Variants in NTM observed in about 807,000 individuals in gnomAD.
NTM encodes IgLON family member 2.
A neutral mutation model predicts 42.1 loss-of-function variants in NTM; 13 were observed. The observed-to-expected ratio is 0.31, with a 90% CI of 0.20 to 0.49. NTM has a LOEUF of 0.49. NTM is among the 20% of genes least tolerant of loss of function. The pLI is 0.99. For synonymous variants in NTM, 187 were observed against 179.2 expected (o/e 1.04, Z -0.35); for missense variants, 373 against 452.8 (o/e 0.82, Z 1.60).
intron 4 of NTM, among the ~76,000 whole-genome samples, chr11:132,286,224 A>G (rs1220363664): frequency 6.6e-6 from 1 of 152,230 alleles, no homozygotes; most frequent in Non-Finnish European, 1.5e-5. Context: ...TCATTTTATC[A>G]GGAACATAAA....
intron 1 of NTM, among the ~76,000 whole-genome samples, chr11:131,590,998 C>T (rs11822932): frequency 0.018 from 2,722 of 152,254 alleles, 86 homozygotes; most frequent in African/African-American, 0.061. Context: ...CTCCGGGTAA[C>T]CTGAGGTGAC....
At chr11:132,068,243 G>A (rs185982057) in intron 2 of NTM, among the ~76,000 whole-genome samples, 32 of 152,110 alleles carry the variant, frequency 2.1e-4, no homozygotes, top group Admixed American at 1.2e-3. Context: ...CTTTTTTTGC[G>A]TAACACTTCT....
At chr11:132,241,604 T>C (rs962419154) in intron 4 of NTM, among the ~76,000 whole-genome samples, 2 of 152,238 alleles carry the variant, frequency 1.3e-5, no homozygotes, top group African/African-American at 4.8e-5. Context: ...TGTCCAGGCA[T>C]GCTCACCTCT....
chr11:132,049,833 A>T (rs913501576), intron 2 of NTM, among the ~76,000 whole-genome samples: 1 of 152,288 alleles, frequency 6.6e-6, no homozygotes, highest in Middle Eastern at 3.4e-3. Context: ...CCGGTCAGAC[A>T]TGTCTCTGAT....
chr11:131,464,401 A>G (rs1197847108), intron 1 of NTM, among the ~76,000 whole-genome samples: 3 of 151,986 alleles, frequency 2.0e-5, no homozygotes, highest in African/African-American at 7.3e-5. Flanking sequence ...CCCGTCATAC[A>G]TTCATGACTG....
At chr11:131,470,219 G>A (rs929759289) in intron 1 of NTM, among the ~76,000 whole-genome samples, 17 of 152,202 alleles carry the variant, frequency 1.1e-4, no homozygotes, top group Admixed American at 1.1e-3. Flanking sequence ...AAGTTAGTGG[G>A]AAAGTAGGAC....
At chr11:131,441,395 C>A (rs976112842) in intron 1 of NTM, among the ~76,000 whole-genome samples, 1 of 152,160 alleles carries the variant, frequency 6.6e-6, no homozygotes. Flanking sequence ...TCTAGCACAA[C>A]AAGCTGTTTA....
At chr11:131,499,540 T>G (rs1382314332) in intron 1 of NTM, among the ~76,000 whole-genome samples, 1 of 152,234 alleles carries the variant, frequency 6.6e-6, no homozygotes, top group African/African-American at 2.4e-5. Context: ...ATGACGAAGG[T>G]GCTTGTAAAA....
chr11:131,491,792 C>T (rs1476536700), intron 1 of NTM, among the ~76,000 whole-genome samples: 3 of 152,166 alleles, frequency 2.0e-5, no homozygotes, highest in African/African-American at 7.2e-5. Flanking sequence ...TCTTCAGTGG[C>T]TTCAGAGACA....
At chr11:132,069,232 T>A (rs1303183410) in intron 2 of NTM, among the ~76,000 whole-genome samples, 104 of 106,316 alleles carry the variant, frequency 9.8e-4, no homozygotes, top group East Asian at 1.4e-3. Context: ...AACACGTCAC[T>A]CAGCCAAGTT....
At chr11:131,854,168 C>T (rs748516562) in intron 1 of NTM, among the ~76,000 whole-genome samples, 3 of 152,104 alleles carry the variant, frequency 2.0e-5, no homozygotes, top group Non-Finnish European at 4.4e-5. Context: ...TAGAGTGTTC[C>T]ATGGGTAAAG....
chr11:131,482,665 TACCTCCAAAAGAGATTTA>T (rs1264110038), intron 1 of NTM, among the ~76,000 whole-genome samples: 3 of 152,196 alleles, frequency 2.0e-5, no homozygotes, highest in South Asian at 2.1e-4. Flanking sequence ...CCTTTCCCTA[TACCTCCAAAAGAGATTTA>T]ACCTCCAAAA....
chr11:131,946,422 C>T (rs962178291), intron 2 of NTM, among the ~76,000 whole-genome samples: 1 of 152,144 alleles, frequency 6.6e-6, no homozygotes, highest in African/African-American at 2.4e-5. Flanking sequence ...TAGGCCATTT[C>T]CTGATCTTTG....
intron 2 of NTM, among the ~76,000 whole-genome samples, chr11:132,009,994 C>G (rs1031359273): frequency 7.2e-5 from 11 of 152,062 alleles, no homozygotes; most frequent in Non-Finnish European, 1.2e-4. Context: ...ACCGAATACA[C>G]GTTATATCAA....
chr11:131,711,764 A>C (rs1449431550), intron 1 of NTM, among the ~76,000 whole-genome samples: 3 of 152,066 alleles, frequency 2.0e-5, no homozygotes, highest in African/African-American at 7.2e-5. Context: ...GGATTAAGAA[A>C]ATGTGGCACA....
chr11:132,160,633 C>T (rs527776908), intron 3 of NTM, among the ~76,000 whole-genome samples: 1 of 152,192 alleles, frequency 6.6e-6, no homozygotes, highest in Non-Finnish European at 1.5e-5. Flanking sequence ...GTCAGTAACT[C>T]CTTTTAACAT....
chr11:131,521,214 C>T lies in NTM; in HGVS notation c.82+150326C>T, dbSNP rs185896662. On this transcript the variant is annotated intron_variant, in intron 1 of 8. Coordinates refer to ENST00000683400, the MANE Select transcript of NTM (RefSeq NM_001352005.2). ...CCTGTAGTCCCAGCTACTTGGGAGG[C>T]TGAGGCAGAAGAATCACTTGGACCC... is the stretch of plus-strand genomic sequence containing the variant. Among the ~76,000 whole-genome samples, 223 of 151,122 alleles carry T rather than the reference C, an allele frequency of 1.5e-3. 7 individuals are homozygous for T. The East Asian group carries it at 0.041, about 28-fold the overall frequency.
intron 1 of NTM, among the ~76,000 whole-genome samples, chr11:131,548,849 C>T (rs964799520): frequency 7.2e-5 from 11 of 152,118 alleles, no homozygotes; most frequent in African/African-American, 2.7e-4. Context: ...TTACCAAATA[C>T]CTGGGAATTG....
intron 1 of NTM, among the ~76,000 whole-genome samples, chr11:131,806,791 G>A (rs2092511875): frequency 6.6e-6 from 1 of 152,126 alleles, no homozygotes; most frequent in Non-Finnish European, 1.5e-5. Flanking sequence ...TGATATTTAT[G>A]GATTTCTTAT....
Sources: gnomAD v4.1 joint callset for allele counts (sites outside exome capture counted in the v4.1 genomes callset) on GRCh38, gnomAD v4.1.1 for gene constraint, MANE v1.5 for transcripts, NCBI Gene and HGNC (gene_info 2026-07-23, HGNC 2026-07-21) for gene names.